The following KHDRBS2 variants were observed in gnomAD, a reference collection of about 807,000 sequenced individuals.
KHDRBS2 encodes the protein KH domain-containing, RNA-binding, signal transduction-associated protein 2.
A neutral mutation model predicts 44.3 loss-of-function variants in KHDRBS2; 26 were observed. The observed-to-expected ratio is 0.59, with a 90% CI of 0.43 to 0.81. KHDRBS2 has a LOEUF of 0.81. Among genes scored for constraint, KHDRBS2 ranks in the 40% least tolerant of loss-of-function variants. The probability of loss-of-function intolerance (pLI) is 0.00; values close to 1 mark genes in which losing one functional copy is unlikely to be tolerated. For missense variants in KHDRBS2, 476 were observed against 433.1 expected, an observed-to-expected ratio of 1.10 and a Z score of -0.88; for synonymous variants, 194 against 151.1, an observed-to-expected ratio of 1.28 and a Z score of -2.08.
chr6:62,038,868 C>T (rs1245791833), intron 3 of KHDRBS2, among the ~76,000 whole-genome samples: 3 of 151,982 alleles, frequency 2.0e-5, no homozygotes, highest in African/African-American at 2.4e-5. Context: ...ATTAAATATC[C>T]TTATTATTTT....
chr6:62,103,342 G>A (rs563613660), intron 2 of KHDRBS2, among the ~76,000 whole-genome samples: 9 of 152,252 alleles, frequency 5.9e-5, no homozygotes, highest in South Asian at 4.2e-4. Context: ...CTGGCCTGTC[G>A]CTCATGCTAA....
intron 6 of KHDRBS2, among the ~76,000 whole-genome samples, chr6:61,794,160 A>T (rs2127586672): frequency 6.6e-6 from 1 of 152,354 alleles, no homozygotes; most frequent in South Asian, 2.1e-4. Flanking sequence ...CAACATTAAT[A>T]AAAGCTCAAT....
At chr6:61,656,290 T>G in the KHDRBS2 span, among the ~76,000 whole-genome samples, 1 of 151,984 alleles carries the variant, frequency 6.6e-6, no homozygotes, top group Admixed American at 6.6e-5. Flanking sequence ...ATTGAGAACC[T>G]TCTCTGGCAG....
At position 61,806,236 on chromosome 6, in the gene KHDRBS2, C is replaced by T. The variant is rs1456318134; in HGVS notation, c.811-73472G>A. 2.6e-5 allele frequency among the ~76,000 whole-genome samples: 4 copies of T among 152,196 alleles called. No individual in the cohort carries two copies. In the East Asian group the frequency reaches 7.7e-4, roughly 29 times the overall value. On this transcript the variant is annotated intron_variant, in intron 6 of 8. Transcript: ENST00000281156. ...CAAGTCTAGATCATAAAAGATGATA[C>T]AGCCTTCACCTGATTCTCTGTTGGG...
Position 61,877,813 on chromosome 6 carries a change from T to C in KHDRBS2, c.810+16822A>G, listed in dbSNP as rs1166756476. ...TACATGATTATCTTACATTATTTTATTTGTAGTGAAAATATAGATATTATT... is the reference window on the plus strand; with the variant it reads ...TACATGATTATCTTACATTATTTTACTTGTAGTGAAAATATAGATATTATT... On this transcript the variant is annotated intron_variant, in intron 6 of 8. Coordinates refer to ENST00000281156, the MANE Select transcript of KHDRBS2 (RefSeq NM_152688.4). Among the ~76,000 whole-genome samples, 3 of 151,966 alleles carry C rather than the reference T, an allele frequency of 2.0e-5. No individual in the cohort carries two copies. The East Asian group carries it at 5.8e-4, about 29-fold the overall frequency.
intron 7 of KHDRBS2, among the ~76,000 whole-genome samples, chr6:61,702,666 C>T (rs1768875970): frequency 6.6e-6 from 1 of 151,986 alleles, no homozygotes; most frequent in East Asian, 1.9e-4. Context: ...TTTGTGTATG[C>T]TTTAGCGGGA....
intron 4 of KHDRBS2, among the ~76,000 whole-genome samples, chr6:61,935,066 A>G (rs1810780179): frequency 6.6e-6 from 1 of 152,176 alleles, no homozygotes; most frequent in Non-Finnish European, 1.5e-5. Flanking sequence ...AGAATTGTGG[A>G]TGAAGGGGAG....
chr6:62,262,780 T>C (rs955686584), intron 1 of KHDRBS2, among the ~76,000 whole-genome samples: 3 of 151,710 alleles, frequency 2.0e-5, no homozygotes, highest in African/African-American at 7.2e-5. Context: ...AGAATATGTT[T>C]AATACATGAA....
chr6:62,044,806 C>T (rs1272304199), intron 3 of KHDRBS2, among the ~76,000 whole-genome samples: 1 of 152,012 alleles, frequency 6.6e-6, no homozygotes, highest in African/African-American at 2.4e-5. Flanking sequence ...TTAAACATGG[C>T]TAATCTTTGT....
intron 3 of KHDRBS2, among the ~76,000 whole-genome samples, chr6:62,013,027 G>A (rs1267069383): frequency 1.3e-5 from 2 of 152,130 alleles, no homozygotes; most frequent in Non-Finnish European, 2.9e-5. Context: ...GGAGGATCAC[G>A]TCATGCATTG....
chr6:62,015,622 T>C (rs1417699928), intron 3 of KHDRBS2, among the ~76,000 whole-genome samples: 1 of 152,150 alleles, frequency 6.6e-6, no homozygotes, highest in African/African-American at 2.4e-5. Flanking sequence ...GCTTTGTTTC[T>C]ACTCACTAAC....
rs1451003098 is a variant in KHDRBS2, at chr6:61,954,360, TACATATATAC to T, written c.483+23696_483+23705del. On this transcript the variant is annotated intron_variant, in intron 4 of 8. Coordinates refer to ENST00000281156, the MANE Select transcript of KHDRBS2 (RefSeq NM_152688.4). ...ATAGATAGATATACATATGTATGCA[TACATATATAC>T]GTATGTATGCATGCATACATATATA... Among the ~76,000 whole-genome samples, 7 of 82,696 alleles carry T rather than the reference TACATATATAC, an allele frequency of 8.5e-5. 1 individual carries two copies. The highest frequency in any genetic ancestry group is 1.3e-4 in the Non-Finnish European group (4 of 31,970). 54.3% of individuals were successfully genotyped at this position (82,696 alleles called of 152,430 possible). A position where few individuals can be genotyped will look rare whatever the true frequency, so the allele number is the denominator to read the frequency against.
At chr6:61,908,405 C>T (rs1460873152) in intron 4 of KHDRBS2, among the ~76,000 whole-genome samples, 15 of 151,792 alleles carry the variant, frequency 9.9e-5, no homozygotes, top group East Asian at 3.9e-4. Context: ...GAGGCCGAGG[C>T]GGGCAGATCA....
the KHDRBS2 span, among the ~76,000 whole-genome samples, chr6:61,660,790 A>G: frequency 2.6e-5 from 4 of 151,728 alleles, no homozygotes. Flanking sequence ...CTCTAATAAA[A>G]AAAGGTGATA....
intron 1 of KHDRBS2, among the ~76,000 whole-genome samples, chr6:62,249,926 T>C (rs1836244244): frequency 6.6e-6 from 1 of 152,102 alleles, no homozygotes; most frequent in African/African-American, 2.4e-5. Flanking sequence ...TCCTAGGATG[T>C]TCTGAAGATC....
the KHDRBS2 span, among the ~76,000 whole-genome samples, chr6:61,584,662 C>G: frequency 6.6e-6 from 1 of 151,722 alleles, no homozygotes; most frequent in African/African-American, 2.4e-5. Context: ...ACAAGAGATT[C>G]AAGATCATTA....
intron 2 of KHDRBS2, among the ~76,000 whole-genome samples, chr6:62,157,118 G>T (rs1816612363): frequency 6.6e-6 from 1 of 151,608 alleles, no homozygotes; most frequent in Admixed American, 6.6e-5. Context: ...CACTTTGGGA[G>T]GCCAAGGTGG....
chr6:62,076,503 G>T (rs1413171604), intron 2 of KHDRBS2, among the ~76,000 whole-genome samples: 1 of 152,022 alleles, frequency 6.6e-6, no homozygotes, highest in African/African-American at 2.4e-5. Context: ...GATAATGTTG[G>T]TTGTAGTGAA....
chr6:61,595,763 A>C, the KHDRBS2 span, among the ~76,000 whole-genome samples: 1 of 151,920 alleles, frequency 6.6e-6, no homozygotes, highest in Non-Finnish European at 1.5e-5. Flanking sequence ...TTTATGATAT[A>C]AAACGATGTC....
Sources: gnomAD v4.1 joint callset for allele counts (sites outside exome capture counted in the v4.1 genomes callset) on GRCh38, gnomAD v4.1.1 for gene constraint, MANE v1.5 for transcripts, NCBI Gene and HGNC (gene_info 2026-07-23, HGNC 2026-07-21) for gene names.